Variants in SOX5 observed in about 807,000 individuals in gnomAD.
The protein encoded by SOX5 is transcription factor SOX-5.
SOX5 carries 9 observed loss-of-function variants against 92.0 expected under a neutral mutation model. The observed-to-expected ratio is 0.10, with a 90% CI of 0.06 to 0.17. The LOEUF is 0.17. SOX5 is among the 10% of genes least tolerant of loss of function. The pLI is 1.00. For missense variants in SOX5, 642 were observed against 944.5 expected, an observed-to-expected ratio of 0.68 and a Z score of 4.20; for synonymous variants, 344 against 336.3, an observed-to-expected ratio of 1.02 and a Z score of -0.25.
chr12:24,151,812 A>G (rs752027944), intron 4 of SOX5, among the ~76,000 whole-genome samples: 8 of 151,688 alleles, frequency 5.3e-5, no homozygotes, highest in Non-Finnish European at 8.8e-5. Context: ...GTGGATAGAC[A>G]ACGTCTCTCT....
intron 2 of SOX5, among the ~76,000 whole-genome samples, chr12:23,893,761 TCTGA>T (rs1480214829): frequency 2.0e-5 from 3 of 152,218 alleles, no homozygotes; most frequent in African/African-American, 7.2e-5. Context: ...AAATGGAATG[TCTGA>T]CTTTCTTACA....
chr12:24,395,284 TAA>T (rs2136545140), intron 1 of SOX5, among the ~76,000 whole-genome samples: 1 of 152,142 alleles, frequency 6.6e-6, no homozygotes, highest in South Asian at 2.1e-4. Flanking sequence ...TCAGTAGCCC[TAA>T]GTCTTTGGAA....
chr12:23,954,759 T>G (rs1014637806), upstream of SOX5, among the ~76,000 whole-genome samples: 1 of 152,034 alleles, frequency 6.6e-6, no homozygotes, highest in East Asian at 1.9e-4. Context: ...TTGGTTAGAA[T>G]ACACAGATGA....
intron 7 of SOX5, among the ~76,000 whole-genome samples, chr12:23,659,053 T>C (rs1399754251): frequency 6.6e-6 from 1 of 152,162 alleles, no homozygotes; most frequent in Non-Finnish European, 1.5e-5. Context: ...ATGTTGATGG[T>C]TTTTAGCTTG....
intron 4 of SOX5, among the ~76,000 whole-genome samples, chr12:23,743,554 C>T (rs796066528): frequency 7.2e-5 from 11 of 152,226 alleles, no homozygotes; most frequent in African/African-American, 2.6e-4. Context: ...TCGTGATCCT[C>T]CCGCCTCAGC....
intron 2 of SOX5, among the ~76,000 whole-genome samples, chr12:24,288,457 C>T (rs1394804799): frequency 2.0e-5 from 3 of 152,120 alleles, no homozygotes; most frequent in Admixed American, 1.3e-4. Flanking sequence ...GTCACTAATT[C>T]CACAAAATGC....
At chr12:23,851,043 T>C (rs1042758666) in intron 2 of SOX5, among the ~76,000 whole-genome samples, 3 of 151,866 alleles carry the variant, frequency 2.0e-5, no homozygotes, top group East Asian at 1.9e-4. Flanking sequence ...CTCATCAGTA[T>C]AGACAATTAG....
At chr12:23,810,983 A>T (rs1410305100) in intron 3 of SOX5, among the ~76,000 whole-genome samples, 1 of 152,126 alleles carries the variant, frequency 6.6e-6, no homozygotes. Flanking sequence ...GGTTGCCAAA[A>T]GACTTATTCA....
intron 1 of SOX5, among the ~76,000 whole-genome samples, chr12:24,395,097 G>GA (rs1166652632): frequency 2.6e-5 from 4 of 151,996 alleles, no homozygotes; most frequent in Non-Finnish European, 5.9e-5. Context: ...ACATTTCTTA[G>GA]AAAAAACAAA....
chr12:24,062,566 C>A (rs1939939095), intron 4 of SOX5, among the ~76,000 whole-genome samples: 1 of 152,222 alleles, frequency 6.6e-6, no homozygotes, highest in Admixed American at 6.5e-5. Flanking sequence ...AACTATGCTT[C>A]CTCTGTAGGA....
intron 6 of SOX5, among the ~76,000 whole-genome samples, chr12:23,685,596 CA>C (rs1293584797): frequency 1.3e-5 from 2 of 151,912 alleles, no homozygotes; most frequent in African/African-American, 4.8e-5. Flanking sequence ...CATGGTTTCT[CA>C]TATTTTTTCT....
At chr12:24,208,031 A>T (rs11047315) in intron 4 of SOX5, among the ~76,000 whole-genome samples, 2 of 152,032 alleles carry the variant, frequency 1.3e-5, no homozygotes, top group South Asian at 2.1e-4. Flanking sequence ...GTGAATTGCA[A>T]GGCCTTTATT....
At chr12:24,353,641 T>C (rs1170520161) in intron 2 of SOX5, among the ~76,000 whole-genome samples, 1 of 151,998 alleles carries the variant, frequency 6.6e-6, no homozygotes, top group Non-Finnish European at 1.5e-5. Context: ...GCTTCATTAT[T>C]ATTCTTTTTT....
intron 4 of SOX5, among the ~76,000 whole-genome samples, chr12:24,076,835 C>T (rs1942685091): frequency 6.6e-6 from 1 of 150,746 alleles, no homozygotes; most frequent in Non-Finnish European, 1.5e-5. Flanking sequence ...AAAATCCAAA[C>T]CATCCCTAAA....
intron 6 of SOX5, among the ~76,000 whole-genome samples, chr12:23,680,411 A>C (rs758009598): frequency 2.0e-5 from 3 of 151,736 alleles, no homozygotes; most frequent in Non-Finnish European, 4.4e-5. Context: ...GTGATGAGAA[A>C]TGTCACTAAC....
upstream of SOX5, among the ~76,000 whole-genome samples, chr12:23,952,773 T>C (rs949767026): frequency 2.0e-5 from 3 of 152,176 alleles, no homozygotes; most frequent in South Asian, 4.1e-4. Flanking sequence ...AATTAGCTCA[T>C]GGATCTTACA....
intron 4 of SOX5, among the ~76,000 whole-genome samples, chr12:24,106,731 G>A (rs879266699): frequency 6.6e-6 from 1 of 151,174 alleles, no homozygotes; most frequent in Non-Finnish European, 1.5e-5. Context: ...GGCGGAGGTT[G>A]CAGTGAGCCG....
chr12:24,372,759 A>C (rs1015580313), intron 1 of SOX5, among the ~76,000 whole-genome samples: 36 of 152,156 alleles, frequency 2.4e-4, no homozygotes, highest in African/African-American at 8.7e-4. Context: ...ATGTAAAAGC[A>C]TTCCTATTTC....
chr12:23,569,545 C>G (rs1268609282), intron 10 of SOX5, among the ~76,000 whole-genome samples: 5 of 152,108 alleles, frequency 3.3e-5, no homozygotes, highest in African/African-American at 1.2e-4. Flanking sequence ...TTCACAAGGC[C>G]TAAGAGTCTC....
Sources: gnomAD v4.1 joint callset for allele counts (sites outside exome capture counted in the v4.1 genomes callset) on GRCh38, gnomAD v4.1.1 for gene constraint, MANE v1.5 for transcripts, NCBI Gene and HGNC (gene_info 2026-07-23, HGNC 2026-07-21) for gene names.